Variants in PRRC1 observed in about 807,000 individuals in gnomAD.
PRRC1 encodes protein PRRC1.
A neutral mutation model predicts 40.7 loss-of-function variants in PRRC1; 39 were observed. The observed-to-expected ratio is 0.96, with a 90% confidence interval of 0.74 to 1.25. The LOEUF (loss-of-function observed/expected upper bound fraction) is 1.25, where lower values mean the gene tolerates loss of function less well. PRRC1 is among the 50% of genes most tolerant of loss of function. The pLI, the probability that PRRC1 is intolerant of heterozygous loss-of-function variation, is 0.00. For synonymous variants in PRRC1, 175 were observed against 193.3 expected (o/e 0.91, Z 0.79); for missense variants, 573 against 548.3 (o/e 1.05, Z -0.45).
chr5:127,549,734 G>A (rs1361418087), intron 8 of PRRC1: 1 of 152,116 alleles, frequency 6.6e-6, no homozygotes, highest in African/African-American at 2.4e-5. Flanking sequence ...TAAGTTTATT[G>A]GAACACACCC....
In PRRC1 at chr5:127,551,718, A is replaced by T; in HGVS notation, c.1140A>T (p.Leu380=). The T allele has an allele frequency of 6.2e-7, 1 of 1,614,080 alleles. No homozygotes were observed. The highest frequency in any genetic ancestry group is 2.2e-5 in the East Asian group (1 of 44,874). The change falls in exon 9 of 9, where the codon CTA becomes CTT. Residue 380 remains leucine (L), a synonymous_variant. Coordinates refer to ENST00000296666, the MANE Select transcript of PRRC1 (RefSeq NM_130809.5). ...PLEFVQQAQS[L]TPQDYNLRWS... Reference sequence around the variant, plus strand: ...TCATCTTTCCACAGGCTCAAAGTCTAACTCCCCAGGACTATAATCTGAGGT... The same window carrying T: ...TCATCTTTCCACAGGCTCAAAGTCTTACTCCCCAGGACTATAATCTGAGGT...
intron 7 of PRRC1, among the ~76,000 whole-genome samples, chr5:127,543,111 T>C (rs540315532): frequency 1.2e-4 from 18 of 151,946 alleles, no homozygotes; most frequent in Non-Finnish European, 2.2e-4. Context: ...GTAAAGTATT[T>C]TATTTCTCCT....
chr5:127,541,655 T>G (rs972955882), intron 7 of PRRC1, among the ~76,000 whole-genome samples: 7 of 152,222 alleles, frequency 4.6e-5, no homozygotes, highest in Admixed American at 1.3e-4. Context: ...TTCTAGTTTA[T>G]TTGCGTAGAG....
chr5:127,554,188 T>C lies in PRRC1; in HGVS notation c.*2272T>C, dbSNP rs1325287841. 5 of 226,680 alleles carry C rather than the reference T, an allele frequency of 2.2e-5. No individual in the cohort carries two copies. Among genetic ancestry groups the C allele is most frequent in the African/African-American group, 1.1e-4 (5 of 43,494 alleles). The allele number at this position is 226,680 out of a possible 1,614,324, so 14.0% of individuals were successfully genotyped here. A position where few individuals can be genotyped will look rare whatever the true frequency, so the allele number is the denominator to read the frequency against. ...AGGCATAAGATATGCTGATCATCAG[T>C]CTCAGGCCACAGTTTCCTTCACTAA... On this transcript the variant is annotated 3_prime_UTR_variant, in exon 9 of 9. Transcript: ENST00000296666.
At chr5:127,542,884 A>G (rs1316624172) in intron 7 of PRRC1, among the ~76,000 whole-genome samples, 1 of 152,094 alleles carries the variant, frequency 6.6e-6, no homozygotes, top group African/African-American at 2.4e-5. Context: ...ATTTAAAGTT[A>G]ATATTGTTAT....
intron 1 of PRRC1, among the ~76,000 whole-genome samples, chr5:127,518,512 T>A (rs766829192): frequency 1.1e-4 from 16 of 152,260 alleles, no homozygotes; most frequent in Non-Finnish European, 1.8e-4. Context: ...TCGTGACACA[T>A]CTTGGCATTC....
At chr5:127,528,699 C>T (rs1035708908) in intron 4 of PRRC1, among the ~76,000 whole-genome samples, 1 of 152,092 alleles carries the variant, frequency 6.6e-6, no homozygotes, top group Non-Finnish European at 1.5e-5. Context: ...TCTGTGATCC[C>T]TTTCTAGTTC....
intron 7 of PRRC1, among the ~76,000 whole-genome samples, chr5:127,543,339 T>C (rs1247792215): frequency 3.4e-4 from 52 of 151,984 alleles, no homozygotes; most frequent in African/African-American, 1.2e-3. Context: ...GTGAATCTGA[T>C]AATTATGTGT....
At chr5:127,521,492 C>A (rs1767456407) in intron 1 of PRRC1, among the ~76,000 whole-genome samples, 1 of 152,090 alleles carries the variant, frequency 6.6e-6, no homozygotes, top group South Asian at 2.1e-4. Flanking sequence ...GATAAGAACC[C>A]CTTCCCCTCC....
chr5:127,526,832 A>G (rs1767630801), intron 4 of PRRC1, 54 bp downstream of exon 4: 1 of 1,349,836 alleles, frequency 7.4e-7, no homozygotes, highest in African/African-American at 1.5e-5. Flanking sequence ...ACTAATAGAT[A>G]TTCATTAGAG....
chr5:127,533,693 C>G lies in PRRC1; in HGVS notation c.828C>G (p.Ala276=), dbSNP rs375327219. 1 of 1,614,044 alleles carries G rather than the reference C, an allele frequency of 6.2e-7. No individual in the cohort carries two copies. Among genetic ancestry groups the G allele is most frequent in the Non-Finnish European group, 8.5e-7 (1 of 1,179,960 alleles). Residue 276 remains alanine, a synonymous_variant, in exon 6 of 9, where the codon GCC becomes GCG. Coordinates refer to ENST00000296666, the MANE Select transcript of PRRC1 (RefSeq NM_130809.5). ...KEVKVAAVRD[A]FQEVFGLAVV... The stretch of plus-strand genomic sequence containing the variant: ...TAAAAGTTGCTGCTGTCCGAGATGC[C>G]TTCCAGGAGGTCTTTGGCTTAGCTG...
At chr5:127,519,696 C>G (rs1379942622) in intron 1 of PRRC1, among the ~76,000 whole-genome samples, 2 of 152,156 alleles carry the variant, frequency 1.3e-5, no homozygotes, top group African/African-American at 4.8e-5. Flanking sequence ...TCTTGGTATT[C>G]TCTTACGTAA....
intron 3 of PRRC1, among the ~76,000 whole-genome samples, chr5:127,526,249 T>C (rs1390124505): frequency 6.6e-6 from 1 of 152,200 alleles, no homozygotes; most frequent in African/African-American, 2.4e-5. Context: ...ATGAAGTATA[T>C]AGAGTATGTG....
At chr5:127,547,649 T>C (rs1293703709) in intron 7 of PRRC1, among the ~76,000 whole-genome samples, 170 bp from the exon 8 acceptor site, 1 of 74,866 alleles carries the variant, frequency 1.3e-5, no homozygotes, top group African/African-American at 4.2e-5. Context: ...TAATACAGAG[T>C]AATTTTATCT....
Position 127,524,923 on chromosome 5 carries a change from A to G in PRRC1, c.493+3A>G. ...ATTTTCTGCACCTTCAGGAACAGGT[A>G]ATTCTTTCTGATACTTTGAAATACA... On this transcript the variant is annotated splice_donor_region_variant and intron_variant, in intron 3 of 8. Coordinates refer to ENST00000296666, the MANE Select transcript of PRRC1 (RefSeq NM_130809.5). 6.3e-7 allele frequency: 1 copy of G among 1,579,398 alleles called. No individual in the cohort carries two copies. Among genetic ancestry groups the G allele is most frequent in the South Asian group, 1.2e-5 (1 of 86,732 alleles).
intron 6 of PRRC1, among the ~76,000 whole-genome samples, chr5:127,536,532 CAG>C (rs1363190804): frequency 6.6e-6 from 1 of 152,036 alleles, no homozygotes; most frequent in East Asian, 1.9e-4. Context: ...GATTTAGTTG[CAG>C]AGAGTAAACT....
chr5:127,535,088 G>A (rs1025054283), intron 6 of PRRC1, among the ~76,000 whole-genome samples: 6 of 71,198 alleles, frequency 8.4e-5, no homozygotes, highest in African/African-American at 2.4e-4. Flanking sequence ...GGGGAGATAC[G>A]ATGGTTAGGA....
intron 7 of PRRC1, among the ~76,000 whole-genome samples, chr5:127,541,557 T>C (rs937873205): frequency 6.6e-6 from 1 of 152,100 alleles, no homozygotes; most frequent in Non-Finnish European, 1.5e-5. Context: ...TGAGATCCTG[T>C]TATTGGTCTA....
At position 127,533,037 on chromosome 5, in the gene PRRC1, G is replaced by A. The variant is rs546915488; in HGVS notation, c.758-586G>A. On this transcript the variant is annotated intron_variant, in intron 5 of 8. Transcript: ENST00000296666. ...AAATATTTGAAAATATTTTTATTTC[G>A]TATTACTCTTAATATTTTAAATTTT... Among the ~76,000 whole-genome samples, 156 of 151,958 alleles carry A rather than the reference G, an allele frequency of 1.0e-3. 1 individual carries two copies. Among genetic ancestry groups the A allele is most frequent in the Middle Eastern group, 3.4e-3 (1 of 294 alleles).
Sources: allele counts gnomAD v4.1 joint callset (sites outside exome capture counted in the v4.1 genomes callset), GRCh38; gene constraint gnomAD v4.1.1; transcripts MANE v1.5; gene names NCBI Gene and HGNC (gene_info 2026-07-23, HGNC 2026-07-21).